The following DOP1B variants were observed in gnomAD, a reference collection of about 807,000 sequenced individuals.
DOP1B encodes the protein DOP1 leucine zipper like protein B, also known as protein DOP1B.
A neutral mutation model predicts 233.5 loss-of-function variants in DOP1B; 174 were observed. The observed-to-expected ratio is 0.75, with a 90% CI of 0.66 to 0.85. The LOEUF is 0.85. DOP1B is among the 40% of genes least tolerant of loss of function. The probability of loss-of-function intolerance (pLI) is 0.00; values close to 1 mark genes in which losing one functional copy is unlikely to be tolerated. For synonymous variants in DOP1B, 1,190 were observed against 1,185.6 expected, an observed-to-expected ratio of 1.00 and a Z score of -0.08; for missense variants, 2,652 against 2,846.6, an observed-to-expected ratio of 0.93 and a Z score of 1.56.
intron 9 of DOP1B, among the ~76,000 whole-genome samples, chr21:36,218,379 T>C (rs1436590561): frequency 6.6e-6 from 1 of 151,980 alleles, no homozygotes; most frequent in Non-Finnish European, 1.5e-5. Flanking sequence ...AAAAATTAGC[T>C]GGGCGTGGTG....
rs1569047257 is a variant in DOP1B at position 36,245,641 on chromosome 21, GTCGAGGCCT to G, written c.3663_3671del (p.Glu1222_Leu1224del). On this transcript the variant is annotated inframe_deletion, in exon 19 of 37. Coordinates refer to ENST00000691173, the MANE Select transcript of DOP1B (RefSeq NM_001320714.2). The surrounding 1 kb of genome is among the most constrained non-coding windows in gnomAD (Gnocchi z 5.5). ...GCAGCAGCGGGAAAGGCAGGAGGCC[GTCGAGGCCT>G]TGTTCAAGCACATCCTGCTCTACCT... The G allele has an allele frequency of 6.2e-7, 1 of 1,613,422 alleles. No homozygotes were observed. The highest frequency in any genetic ancestry group is 2.2e-5 in the East Asian group (1 of 44,858).
At chr21:36,225,328 C>G (rs1459964617) in intron 11 of DOP1B, among the ~76,000 whole-genome samples, 1 of 151,620 alleles carries the variant, frequency 6.6e-6, no homozygotes, top group African/African-American at 2.4e-5. Context: ...CTCCCGGGTT[C>G]AAGTAATTCT....
chr21:36,184,335 C>T (rs2066138008), intron 2 of DOP1B, among the ~76,000 whole-genome samples: 1 of 152,140 alleles, frequency 6.6e-6, no homozygotes, highest in South Asian at 2.1e-4. Context: ...AGGTGTGAGC[C>T]ACCACGCCCG....
chr21:36,255,853 G>A (rs1185738696), intron 23 of DOP1B, among the ~76,000 whole-genome samples: 1 of 152,162 alleles, frequency 6.6e-6, no homozygotes, highest in Non-Finnish European at 1.5e-5. Flanking sequence ...TGATGTCATT[G>A]AACCGAGAAG....
rs112549757 is a variant in DOP1B at position 36,164,914 on chromosome 21, C to T, written c.138+43C>T. 7.7e-5 allele frequency: 108 copies of T among 1,404,474 alleles called. 1 individual carries two copies. In the African/African-American group the frequency reaches 1.3e-3, roughly 17 times the overall value. 87.0% of individuals were successfully genotyped at this position (1,404,474 alleles called of 1,614,324 possible). Reference sequence around the variant, plus strand: ...TATTTGGATTGCATGGAGGTGGGGACGTAATTGTCTTTTTATTATTATAAG... The same window carrying T: ...TATTTGGATTGCATGGAGGTGGGGATGTAATTGTCTTTTTATTATTATAAG... On this transcript the variant is annotated intron_variant, in intron 2 of 36. Coordinates refer to ENST00000691173, the MANE Select transcript of DOP1B (RefSeq NM_001320714.2).
intron 27 of DOP1B, among the ~76,000 whole-genome samples, chr21:36,274,047 C>T (rs2067322608): frequency 6.6e-6 from 1 of 152,080 alleles, no homozygotes; most frequent in Non-Finnish European, 1.5e-5. Flanking sequence ...CGCTCCACTC[C>T]AGCCTAGGCA....
Position 36,288,116 on chromosome 21 carries a change from T to A in DOP1B, c.6263T>A (p.Leu2088Ter). The A allele has an allele frequency of 1.2e-6, 2 of 1,614,086 alleles. No homozygotes were observed. Among genetic ancestry groups the A allele is most frequent in the Non-Finnish European group, 1.7e-6 (2 of 1,180,004 alleles). ...CTGCTAAGAATATCTCCTCAACATTTGACTTCATTGTGGCCAATAATGGTC... is the reference window on the plus strand; with the variant it reads ...CTGCTAAGAATATCTCCTCAACATTAGACTTCATTGTGGCCAATAATGGTC... ...VLLLRISPQH[L>*]TSLWPIMVSE... The change falls in exon 33 of 37, where the codon TTG becomes TAG. Residue 2088 changes from leucine (L) to a stop codon, truncating the protein, a stop_gained. Coordinates refer to ENST00000691173, the MANE Select transcript of DOP1B (RefSeq NM_001320714.2). LOFTEE classifies it high-confidence loss of function.
At chr21:36,209,449 C>T (rs778346865) in intron 5 of DOP1B, among the ~76,000 whole-genome samples, 30 of 152,166 alleles carry the variant, frequency 2.0e-4, no homozygotes, top group Admixed American at 1.1e-3. Flanking sequence ...TTCTGGAGGC[C>T]CCTGGCTTTG....
chr21:36,179,903 A>G (rs747808061), intron 2 of DOP1B, among the ~76,000 whole-genome samples: 5 of 152,148 alleles, frequency 3.3e-5, no homozygotes, highest in Non-Finnish European at 5.9e-5. Flanking sequence ...CTAGAGGTGG[A>G]GTAGCTGGGT....
intron 4 of DOP1B, among the ~76,000 whole-genome samples, chr21:36,200,818 G>A (rs1412128292): frequency 1.3e-5 from 2 of 151,506 alleles, no homozygotes; most frequent in Non-Finnish European, 2.9e-5. Context: ...ACTCCAGCCT[G>A]GACAACAGAG....
chr21:36,278,096 T>C lies in DOP1B; in HGVS notation c.5822+12T>C. ...TTACGCAACCACAGGTAACGTCATCTTCGCCATTTCTTCCCACCCATATGC... is the reference window on the plus strand; with the variant it reads ...TTACGCAACCACAGGTAACGTCATCCTCGCCATTTCTTCCCACCCATATGC... On this transcript the variant is annotated intron_variant, in intron 29 of 36. Transcript: ENST00000691173. The C allele has an allele frequency of 6.2e-7, 1 of 1,613,676 alleles. No homozygotes were observed. The highest frequency in any genetic ancestry group is 8.5e-7 in the Non-Finnish European group (1 of 1,179,566).
intron 32 of DOP1B, among the ~76,000 whole-genome samples, chr21:36,284,201 T>C (rs1256386701): frequency 1.3e-5 from 2 of 151,388 alleles, no homozygotes; most frequent in East Asian, 3.9e-4. Flanking sequence ...CCGCCTGTGT[T>C]GGCCTCCCAA....
chr21:36,281,453 C>G, intron 31 of DOP1B, 30 bp from the exon 32 acceptor site: 11 of 1,554,428 alleles, frequency 7.1e-6, no homozygotes, highest in Non-Finnish European at 9.7e-6. Context: ...GGTTTTCTCA[C>G]TAAGTAAAAC....
rs775529085 is a variant in DOP1B at position 36,230,495 on chromosome 21, G to A, written c.1711G>A (p.Ala571Thr). Residue 571 changes from alanine (A) to threonine (T), a missense_variant, in exon 14 of 37, where the codon GCA (alanine) becomes ACA (threonine). Around this residue, in one of 3 missense-constraint regions of DOP1B, gnomAD observed 2,617 missense variants for 2,794.3 expected, o/e 0.94. Transcript: ENST00000691173. ...CGGCAAAATAATTTTGGAAACAAAGGCAGTGATTCCCGGTGACGAAGATGC... is the reference window on the plus strand; with the variant it reads ...CGGCAAAATAATTTTGGAAACAAAGACAGTGATTCCCGGTGACGAAGATGC... ...ENGKIILETK[A>T]VIPGDEDASF... 5.0e-6 allele frequency: 8 copies of A among 1,612,764 alleles called. No individual in the cohort carries two copies. The South Asian group carries it at 6.6e-5, about 13-fold the overall frequency.
chr21:36,203,135 A>AT lies in DOP1B; in HGVS notation c.491+2642dup, dbSNP rs1440924973. ...CAGTTGCTAAAGTTGCTTAACATTG[A>AT]TTTTTTTTCTGAATATTGTGATTTC... On this transcript the variant is annotated intron_variant, in intron 4 of 36. Transcript: ENST00000691173. Among the ~76,000 whole-genome samples the AT allele has an allele frequency of 7.2e-5, 11 of 152,184 alleles. 1 individual carries two copies. The South Asian group carries it at 2.3e-3, about 32-fold the overall frequency.
intron 2 of DOP1B, among the ~76,000 whole-genome samples, chr21:36,187,078 T>C (rs1488465348): frequency 6.6e-6 from 1 of 151,886 alleles, no homozygotes; most frequent in Non-Finnish European, 1.5e-5. Flanking sequence ...GGCTCAGGCC[T>C]TGGCTTCAGC....
intron 1 of DOP1B, among the ~76,000 whole-genome samples, chr21:36,162,816 G>T (rs946914325): frequency 1.3e-5 from 2 of 152,042 alleles, no homozygotes; most frequent in African/African-American, 4.8e-5. Context: ...AAAGTGCTGA[G>T]ATTACAGGTG....
At chr21:36,252,456 TA>T (rs565981647) in intron 22 of DOP1B, among the ~76,000 whole-genome samples, 5,929 of 102,132 alleles carry the variant, frequency 0.058, 149 homozygotes, top group African/African-American at 0.11. Context: ...ACACTTCATG[TA>T]AAAAAAAAAA....
At chr21:36,208,654 T>A in intron 4 of DOP1B, 61 bp from the exon 5 acceptor site, 1 of 1,539,236 alleles carries the variant, frequency 6.5e-7, no homozygotes, top group Non-Finnish European at 8.8e-7. Context: ...CGCAGAGCAG[T>A]GTGCAGTGGG....
Sources: gnomAD v4.1 joint callset for allele counts (sites outside exome capture counted in the v4.1 genomes callset) on GRCh38, gnomAD v4.1.1 for gene constraint, gnomAD v4.1.1 regional missense constraint, Gnocchi (gnomAD v3.1) non-coding constraint, MANE v1.5 for transcripts, NCBI Gene and HGNC (gene_info 2026-07-23, HGNC 2026-07-21) for gene names.